The following PRELID2 variants were observed in gnomAD, a reference collection of about 807,000 sequenced individuals.
PRELID2 encodes PRELI domain-containing protein 2.
Under a neutral mutation model 28.4 loss-of-function variants are expected in PRELID2, and 25 were observed. That is an observed-to-expected ratio of 0.88 (90% CI 0.64 to 1.23). The LOEUF is 1.23. Ranked by LOEUF, PRELID2 falls within the 50% of genes most tolerant of loss-of-function variation. The probability of loss-of-function intolerance (pLI) is 0.00; values close to 1 mark genes in which losing one functional copy is unlikely to be tolerated. For synonymous variants in PRELID2, 76 were observed against 71.6 expected (o/e 1.06, Z -0.31); for missense variants, 201 against 214.4 (o/e 0.94, Z 0.39).
the PRELID2 span, among the ~76,000 whole-genome samples, chr5:145,351,849 T>C: frequency 6.6e-6 from 1 of 152,270 alleles, no homozygotes; most frequent in Middle Eastern, 3.4e-3. Context: ...ATAAAGGGGT[T>C]ACATGCCCCT....
the PRELID2 span, among the ~76,000 whole-genome samples, chr5:145,242,331 A>G: frequency 6.6e-6 from 1 of 152,070 alleles, no homozygotes; most frequent in South Asian, 2.1e-4. Context: ...GGACCATAAG[A>G]CATTAAATAA....
At chr5:145,731,523 G>GGCAT (rs1756345799) in intron 1 of PRELID2, among the ~76,000 whole-genome samples, 1 of 152,052 alleles carries the variant, frequency 6.6e-6, no homozygotes, top group African/African-American at 2.4e-5. Flanking sequence ...AATAATCTGG[G>GGCAT]GCATGACATT....
At chr5:145,299,245 T>A in the PRELID2 span, among the ~76,000 whole-genome samples, 2 of 152,264 alleles carry the variant, frequency 1.3e-5, no homozygotes, top group Middle Eastern at 6.9e-3. Flanking sequence ...CTTAATAATA[T>A]GTTCTTAGTA....
At chr5:145,576,943 TC>T (rs1753065660) in intron 1 of PRELID2, among the ~76,000 whole-genome samples, 1 of 152,138 alleles carries the variant, frequency 6.6e-6, no homozygotes, top group South Asian at 2.1e-4. Flanking sequence ...TAAAATTATA[TC>T]CATGCCAGTC....
At chr5:145,596,099 CAAAA>C (rs552746530) in intron 1 of PRELID2, among the ~76,000 whole-genome samples, 7 of 43,970 alleles carry the variant, frequency 1.6e-4, no homozygotes, top group African/African-American at 6.7e-4. Context: ...GAGCCTGTCT[CAAAA>C]AAAAAAAAAA....
intron 1 of PRELID2, among the ~76,000 whole-genome samples, chr5:145,725,596 G>A (rs1360239906): frequency 1.3e-5 from 2 of 152,190 alleles, no homozygotes; most frequent in Admixed American, 1.3e-4. Context: ...ATTCTTAAAC[G>A]CTGGGAGGAG....
intron 1 of PRELID2, among the ~76,000 whole-genome samples, chr5:145,569,573 A>T (rs2149616577): frequency 6.6e-6 from 1 of 152,360 alleles, no homozygotes; most frequent in African/African-American, 2.4e-5. Context: ...GCTTCTGGGC[A>T]GCAAGACCTG....
At chr5:145,238,963 CTCTA>C in the PRELID2 span, among the ~76,000 whole-genome samples, 17 of 151,946 alleles carry the variant, frequency 1.1e-4, no homozygotes, top group East Asian at 3.9e-4. Flanking sequence ...ATCTATCTGT[CTCTA>C]TCTATCTATC....
chr5:145,810,976 G>C (rs899136338), intron 4 of PRELID2, among the ~76,000 whole-genome samples: 1 of 149,720 alleles, frequency 6.7e-6, no homozygotes, highest in African/African-American at 2.5e-5. Context: ...CCTGAGACTG[G>C]GTAATTTATA....
At chr5:145,456,785 GT>G in the PRELID2 span, among the ~76,000 whole-genome samples, 350 of 152,190 alleles carry the variant, frequency 2.3e-3, 1 homozygote, top group African/African-American at 8.0e-3. Flanking sequence ...GAATTTAAAT[GT>G]TTTTTTAAAG....
chr5:145,433,679 G>A, the PRELID2 span, among the ~76,000 whole-genome samples: 1 of 152,164 alleles, frequency 6.6e-6, no homozygotes, highest in East Asian at 1.9e-4. Context: ...CAACTCCCGA[G>A]ACACCAGCAG....
At chr5:145,516,095 C>T (rs1752514225) in intron 1 of PRELID2, among the ~76,000 whole-genome samples, 1 of 152,132 alleles carries the variant, frequency 6.6e-6, no homozygotes, top group Non-Finnish European at 1.5e-5. Context: ...CAAGGATGCC[C>T]TCTCTCACCA....
chr5:145,688,315 C>A (rs962470805), intron 1 of PRELID2, among the ~76,000 whole-genome samples: 5 of 152,136 alleles, frequency 3.3e-5, no homozygotes, highest in Admixed American at 6.5e-5. Flanking sequence ...AGATAAAACC[C>A]TCGGTAGTCA....
the PRELID2 span, among the ~76,000 whole-genome samples, chr5:145,420,340 A>C: frequency 1.3e-5 from 2 of 151,914 alleles, no homozygotes; most frequent in South Asian, 4.2e-4. Context: ...CCATTTTCAC[A>C]ATATTGATTC....
At chr5:145,824,567 T>C (rs1581282520) in intron 1 of PRELID2, among the ~76,000 whole-genome samples, 1 of 151,948 alleles carries the variant, frequency 6.6e-6, no homozygotes, top group Non-Finnish European at 1.5e-5. Context: ...GAACACAGGC[T>C]CTCTGAGGGC....
rs575304269 is a variant in PRELID2 at position 145,739,787 on chromosome 5, T to C, written n.70+25144A>G. Among the ~76,000 whole-genome samples, 336 of 152,110 alleles carry C rather than the reference T, an allele frequency of 2.2e-3. 3 individuals are homozygous for C. Among genetic ancestry groups the C allele is most frequent in the Non-Finnish European group, 3.8e-3 (255 of 67,968 alleles). On this transcript the variant is annotated intron_variant and non_coding_transcript_variant, in intron 1 of 2. Coordinates refer to the PRELID2 transcript ENST00000510259. ...CATATCCATAGGCTGTTTAAAGTTA[T>C]GTATATATAATGTAATATATAGAGC...
chr5:145,651,138 G>A (rs1047916776), intron 1 of PRELID2, among the ~76,000 whole-genome samples: 7 of 152,124 alleles, frequency 4.6e-5, no homozygotes, highest in African/African-American at 1.2e-4. Flanking sequence ...AGGGTCCCAC[G>A]CCCACGGAGC....
chr5:145,252,636 AC>A, the PRELID2 span, among the ~76,000 whole-genome samples: 1 of 152,130 alleles, frequency 6.6e-6, no homozygotes, highest in Non-Finnish European at 1.5e-5. Context: ...TACCCAGGAA[AC>A]ATATGTGCAT....
the PRELID2 span, among the ~76,000 whole-genome samples, chr5:145,245,605 G>A: frequency 1.3e-5 from 2 of 152,040 alleles, no homozygotes; most frequent in Non-Finnish European, 2.9e-5. Context: ...AAGGTCAGGG[G>A]TCCTGATTAG....
Sources: gnomAD v4.1 joint callset for allele counts (sites outside exome capture counted in the v4.1 genomes callset) on GRCh38, gnomAD v4.1.1 for gene constraint, MANE v1.5 for transcripts, NCBI Gene and HGNC (gene_info 2026-07-23, HGNC 2026-07-21) for gene names.